Variants in CFAP95 observed in about 807,000 individuals in gnomAD.
The protein encoded by CFAP95 is cilia and flagella associated protein 95, also known as cilia- and flagella-associated protein 95.
chr9:69,822,849 G>GA, the CFAP95 span, among the ~76,000 whole-genome samples: 1 of 152,220 alleles, frequency 6.6e-6, no homozygotes, highest in Non-Finnish European at 1.5e-5. Flanking sequence ...GAAGGCTGGG[G>GA]AACAGGAAGA....
chr9:69,889,525 C>T, the CFAP95 span, among the ~76,000 whole-genome samples: 2 of 152,202 alleles, frequency 1.3e-5, no homozygotes, highest in Non-Finnish European at 2.9e-5. Context: ...TTAGACACTC[C>T]TGTGATTTCA....
chr9:69,868,037 A>G, the CFAP95 span, among the ~76,000 whole-genome samples: 1 of 152,210 alleles, frequency 6.6e-6, no homozygotes, highest in Non-Finnish European at 1.5e-5. Flanking sequence ...ATCTCTTAAT[A>G]CCATGCTTAT....
the CFAP95 span, chr9:69,886,727 G>A: frequency 2.7e-6 from 2 of 746,932 alleles, no homozygotes; most frequent in East Asian, 5.5e-5. Context: ...TTTTGATTAG[G>A]GCCAATCCTT....
chr9:69,821,193 A>G, the CFAP95 span, among the ~76,000 whole-genome samples: 1 of 152,146 alleles, frequency 6.6e-6, no homozygotes, highest in South Asian at 2.1e-4. Context: ...AATGTAGAGA[A>G]AGAAGGAAAT....
chr9:69,887,003 T>A, the CFAP95 span: 2 of 761,804 alleles, frequency 2.6e-6, no homozygotes, highest in Non-Finnish European at 4.3e-6. Flanking sequence ...AAGCTTATGA[T>A]ATTTTACATT....
the CFAP95 span, among the ~76,000 whole-genome samples, chr9:69,855,361 A>G: frequency 6.6e-6 from 1 of 152,270 alleles, no homozygotes; most frequent in African/African-American, 2.4e-5. Flanking sequence ...GCTCTTAGCC[A>G]AAAGGCTGAG....
the CFAP95 span, among the ~76,000 whole-genome samples, chr9:69,852,393 T>C: frequency 9.9e-5 from 15 of 152,176 alleles, no homozygotes. Context: ...TTCACCTTGA[T>C]GATTTAAAAA....
At chr9:69,837,661 T>C in the CFAP95 span, among the ~76,000 whole-genome samples, 12 of 152,336 alleles carry the variant, frequency 7.9e-5, no homozygotes, top group Non-Finnish European at 1.8e-4. Context: ...GTTGTGAAAA[T>C]TGTTTCCCAT....
the CFAP95 span, among the ~76,000 whole-genome samples, chr9:69,873,521 A>G: frequency 6.6e-6 from 1 of 152,116 alleles, no homozygotes; most frequent in South Asian, 2.1e-4. Context: ...TGCACAATGC[A>G]CCCCGTCACC....
the CFAP95 span, among the ~76,000 whole-genome samples, chr9:69,849,760 G>A: frequency 1.3e-5 from 2 of 152,046 alleles, 1 homozygote; most frequent in East Asian, 3.9e-4. Flanking sequence ...TATTTCAATG[G>A]TCCCTCAGGT....
chr9:69,879,398 A>G, the CFAP95 span, among the ~76,000 whole-genome samples: 15 of 152,300 alleles, frequency 9.8e-5, no homozygotes, highest in African/African-American at 2.9e-4. Flanking sequence ...CTGGGAAGAG[A>G]AAGTCTCCAG....
the CFAP95 span, among the ~76,000 whole-genome samples, chr9:69,852,652 C>A: frequency 2.0e-5 from 3 of 152,106 alleles, no homozygotes; most frequent in African/African-American, 7.2e-5. Context: ...CCAGAAGCAG[C>A]CTGTGGCATC....
chr9:69,884,181 C>T, the CFAP95 span, among the ~76,000 whole-genome samples: 1 of 152,080 alleles, frequency 6.6e-6, no homozygotes, highest in Non-Finnish European at 1.5e-5. Flanking sequence ...ATTTTAATTT[C>T]CATGCATTGG....
the CFAP95 span, among the ~76,000 whole-genome samples, chr9:69,839,845 G>C: frequency 6.6e-6 from 1 of 151,590 alleles, no homozygotes; most frequent in Non-Finnish European, 1.5e-5. Flanking sequence ...GGAGGTCTAG[G>C]TGGGTGGATC....
At chr9:69,864,176 A>AT in the CFAP95 span, among the ~76,000 whole-genome samples, 1 of 152,200 alleles carries the variant, frequency 6.6e-6, no homozygotes, top group African/African-American at 2.4e-5. Context: ...ATTAGCGTGT[A>AT]TTGTTGAAAT....
the CFAP95 span, among the ~76,000 whole-genome samples, chr9:69,853,362 C>A: frequency 1.3e-5 from 2 of 152,136 alleles, no homozygotes; most frequent in Non-Finnish European, 2.9e-5. Flanking sequence ...AAAAATAATT[C>A]GTACTCAGGA....
At chr9:69,878,592 C>T in the CFAP95 span, among the ~76,000 whole-genome samples, 1 of 152,104 alleles carries the variant, frequency 6.6e-6, no homozygotes, top group Non-Finnish European at 1.5e-5. Flanking sequence ...TTACTGTTGA[C>T]CTGTATGGTT....
At chr9:69,896,396 G>A in the CFAP95 span, among the ~76,000 whole-genome samples, 1 of 152,104 alleles carries the variant, frequency 6.6e-6, no homozygotes, top group Non-Finnish European at 1.5e-5. Flanking sequence ...TTTGTGAAGT[G>A]TTCATTTACA....
At chr9:69,845,076 C>T in the CFAP95 span, among the ~76,000 whole-genome samples, 2 of 152,098 alleles carry the variant, frequency 1.3e-5, no homozygotes, top group Non-Finnish European at 1.5e-5. Context: ...GAGTTTATAC[C>T]CTGGTCTTTG....
Sources: allele counts gnomAD v4.1 joint callset (sites outside exome capture counted in the v4.1 genomes callset), GRCh38; gene constraint gnomAD v4.1.1; transcripts MANE v1.5; gene names NCBI Gene and HGNC (gene_info 2026-07-23, HGNC 2026-07-21).